SLC12A6: variants seen among roughly 807,000 people sequenced by gnomAD.
SLC12A6 encodes K-Cl cotransporter 3.
SLC12A6 carries 66 observed loss-of-function variants against 135.3 expected under a neutral mutation model. The ratio of observed to expected loss-of-function variants is 0.49; its 90% CI spans 0.40 to 0.60. SLC12A6 has a LOEUF of 0.60. SLC12A6 is among the 20% of genes least tolerant of loss of function. SLC12A6 has a pLI of 0.00. For missense variants in SLC12A6, 1,058 were observed against 1,452.3 expected (o/e 0.73, Z 4.41); for synonymous variants, 513 against 508.8 (o/e 1.01, Z -0.11).
intron 21 of SLC12A6, among the ~76,000 whole-genome samples, chr15:34,238,020 G>A (rs1450656587): frequency 1.3e-5 from 2 of 152,186 alleles, no homozygotes; most frequent in East Asian, 3.9e-4. Context: ...TTTATTAATT[G>A]GCTGAATTTC....
Position 34,250,670 on chromosome 15 carries a change from T to C in SLC12A6, c.1552A>G (p.Ile518Val). 1.2e-6 allele frequency: 2 copies of C among 1,605,604 alleles called. No individual in the cohort carries two copies. The highest frequency in any genetic ancestry group is 1.7e-6 in the Non-Finnish European group (2 of 1,172,268). ...GTCAGGATGGCAAGGATAGTACCAA[T>C]CGGAATAGACTTCTGAGCATCTTTC... ...DLKDAQKSIP[I>V]GTILAILTTS... The change falls in exon 12 of 26, where the codon ATT becomes GTT. Residue 518 changes from isoleucine to valine, a missense_variant. Physicochemically the swap from Ile to Val is conservative, Grantham distance 29 (BLOSUM62 3). Transcript: ENST00000354181.
At chr15:34,335,441 C>T (rs1669259815) in intron 2 of SLC12A6, among the ~76,000 whole-genome samples, 1 of 152,168 alleles carries the variant, frequency 6.6e-6, no homozygotes. Context: ...GTGGGTGAGG[C>T]TATGGTTTTC....
Position 34,230,120 on chromosome 15 carries a change from C to CAATA in SLC12A6, c.*3757_*3760dup, listed in dbSNP as rs1301426925. On this transcript the variant is annotated 3_prime_UTR_variant, in exon 26 of 26. Coordinates refer to ENST00000354181, the MANE Select transcript of SLC12A6 (RefSeq NM_001365088.1). ...CAAGAACTGTTGCAGCATCTCCTTT[C>CAATA]AATAAATTAAATGGTTGAGAACAAT... 3.3e-6 allele frequency: 1 copy of CAATA among 305,936 alleles called. No individual in the cohort carries two copies. Among genetic ancestry groups the CAATA allele is most frequent in the African/African-American group, 2.2e-5 (1 of 46,256 alleles). 19.0% of individuals were successfully genotyped at this position (305,936 alleles called of 1,614,324 possible).
intron 2 of SLC12A6, among the ~76,000 whole-genome samples, chr15:34,310,176 T>A (rs1245999466): frequency 4.1e-5 from 4 of 97,634 alleles, no homozygotes; most frequent in Admixed American, 3.6e-4. Context: ...GCCCAGCTAG[T>A]GTGTGTGTGT....
At chr15:34,314,100 T>G (rs1302861697) in intron 2 of SLC12A6, among the ~76,000 whole-genome samples, 6 of 149,884 alleles carry the variant, frequency 4.0e-5, no homozygotes, top group African/African-American at 1.5e-4. Flanking sequence ...TAGGCTGGAG[T>G]GCAGTGGCCC....
At chr15:34,320,758 T>A (rs1889026108) in intron 2 of SLC12A6, among the ~76,000 whole-genome samples, 1 of 151,592 alleles carries the variant, frequency 6.6e-6, no homozygotes, top group South Asian at 2.1e-4. Context: ...CTACTAAAAA[T>A]ACAAAAATCT....
intron 2 of SLC12A6, 41 bp from the exon 3 acceptor site, chr15:34,275,430 G>A: frequency 8.9e-7 from 1 of 1,124,882 alleles, no homozygotes. Flanking sequence ...AAAAATGAAT[G>A]ATCAAAACAA....
intron 22 of SLC12A6, 126 bp downstream of exon 22, chr15:34,237,293 T>TG (rs1317967946): frequency 2.3e-5 from 17 of 746,954 alleles, no homozygotes; most frequent in Non-Finnish European, 3.3e-5. Context: ...TTTTGTTTTT[T>TG]TTTTGGCACT....
intron 2 of SLC12A6, among the ~76,000 whole-genome samples, chr15:34,288,839 C>A (rs970448406): frequency 6.6e-5 from 10 of 152,132 alleles, no homozygotes; most frequent in Admixed American, 4.6e-4. Context: ...GATTTTGTAT[C>A]CTGAGACTTT....
rs1255379283 is a variant in SLC12A6 at position 34,336,484 on chromosome 15, G to A, written c.197C>T (p.Ala66Val). ...RSEPMSEMSG[A>V]TTSLATVALD... is the part of the protein sequence containing the mutation. ...TGCAACAGTTGCCAGCGAAGTGGTGGCCCCAGACATCTCACTCATAGGCTC... is the reference window on the plus strand; with the variant it reads ...TGCAACAGTTGCCAGCGAAGTGGTGACCCCAGACATCTCACTCATAGGCTC... The change falls in exon 2 of 26, where the codon GCC (alanine) becomes GTC (valine). Residue 66 changes from alanine (A) to valine (V), a missense_variant. This residue lies in a region of SLC12A6 where 176 missense variants were observed against 168.9 expected (regional missense o/e 1.04). Transcript: ENST00000354181. 1.2e-6 allele frequency: 2 copies of A among 1,613,374 alleles called. No homozygotes were observed. The highest frequency in any genetic ancestry group is 1.3e-5 in the African/African-American group (1 of 74,986).
intron 2 of SLC12A6, among the ~76,000 whole-genome samples, chr15:34,334,815 T>C (rs1014853128): frequency 2.6e-5 from 4 of 152,188 alleles, no homozygotes; most frequent in Non-Finnish European, 1.5e-5. Flanking sequence ...TTTACCCCTA[T>C]AGTGTAAAAG....
At chr15:34,283,297 T>C (rs1894809055) in intron 2 of SLC12A6, among the ~76,000 whole-genome samples, 1 of 151,976 alleles carries the variant, frequency 6.6e-6, no homozygotes, top group South Asian at 2.1e-4. Flanking sequence ...GACCGGAGAC[T>C]GCACCATTGC....
intron 6 of SLC12A6, among the ~76,000 whole-genome samples, chr15:34,256,936 A>T (rs1181364414): frequency 6.6e-6 from 1 of 152,214 alleles, no homozygotes; most frequent in Non-Finnish European, 1.5e-5. Flanking sequence ...CACAGCCTTG[A>T]GGTTTTAAGC....
chr15:34,236,131 C>G lies in SLC12A6; in HGVS notation c.3111G>C (p.Glu1037Asp), dbSNP rs1457714934. 1.2e-6 allele frequency: 2 copies of G among 1,613,824 alleles called. No individual in the cohort carries two copies. Among genetic ancestry groups the G allele is most frequent in the Non-Finnish European group, 8.5e-7 (1 of 1,179,700 alleles). The change falls in exon 24 of 26, where the codon GAG becomes GAC. Residue 1037 changes from glutamate to aspartate, a missense_variant. This residue lies in a region of SLC12A6 where 245 missense variants were observed against 440.8 expected (regional missense o/e 0.56). Transcript: ENST00000354181. ...LTSIGSDEDEETETYQEKVHM... is the reference protein window; with the variant it reads ...LTSIGSDEDEDTETYQEKVHM... The stretch of plus-strand genomic sequence containing the variant: ...GCACCTTCTCCTGATAGGTTTCTGT[C>G]TCTTCGTCCTCATCAGAGCCAATGC...
rs745932940 is a variant in SLC12A6, at chr15:34,318,553, G to A, written c.271+17857C>T. 4.6e-5 allele frequency: 74 copies of A among 1,610,262 alleles called. 1 individual carries two copies. The highest frequency in any genetic ancestry group is 6.7e-5 in the East Asian group (3 of 44,884). On this transcript the variant is annotated intron_variant, in intron 2 of 25. Coordinates refer to ENST00000354181, the MANE Select transcript of SLC12A6 (RefSeq NM_001365088.1). Reference sequence around the variant, plus strand: ...TAGGTTCCAAAAGCTCCCAAGTTGCGTACTCACCTGGTTCATCTGAATCCT... The same window carrying A: ...TAGGTTCCAAAAGCTCCCAAGTTGCATACTCACCTGGTTCATCTGAATCCT...
intron 10 of SLC12A6, among the ~76,000 whole-genome samples, chr15:34,251,819 T>C (rs930583046): frequency 2.0e-5 from 3 of 152,192 alleles, no homozygotes; most frequent in African/African-American, 7.2e-5. Flanking sequence ...GGAAGATACA[T>C]GTGGATGTGG....
intron 20 of SLC12A6, 94 bp from the exon 21 acceptor site, chr15:34,238,495 C>G: frequency 1.0e-6 from 1 of 965,388 alleles, no homozygotes; most frequent in African/African-American, 1.6e-5. Context: ...TTTCACACTT[C>G]TTTGAGCAAG....
Position 34,229,809 on chromosome 15 carries a change from G to A in SLC12A6, c.*4072C>T, listed in dbSNP as rs956657172. The A allele has an allele frequency of 6.2e-7, 1 of 1,612,212 alleles. No homozygotes were observed. The highest frequency in any genetic ancestry group is 1.3e-5 in the African/African-American group (1 of 75,002). On this transcript the variant is annotated 3_prime_UTR_variant, in exon 26 of 26. Coordinates refer to ENST00000354181, the MANE Select transcript of SLC12A6 (RefSeq NM_001365088.1). ...TGTGAACATGAGAAAGCAGCGCCTG[G>A]TCCCTATGTATTTGGGTCTTATTTA...
intron 2 of SLC12A6, among the ~76,000 whole-genome samples, chr15:34,299,221 G>T (rs573293334): frequency 1.4e-4 from 22 of 152,176 alleles, no homozygotes; most frequent in Non-Finnish European, 2.9e-4. Context: ...TTTATAAATA[G>T]ATTGTGGTTT....
Sources: allele counts gnomAD v4.1 joint callset (sites outside exome capture counted in the v4.1 genomes callset), GRCh38; gene constraint gnomAD v4.1.1; regional missense constraint gnomAD v4.1.1; transcripts MANE v1.5; gene names NCBI Gene and HGNC (gene_info 2026-07-23, HGNC 2026-07-21).